WDR70: variants seen among roughly 807,000 people sequenced by gnomAD.
WDR70 encodes the protein WD repeat domain 70.
In WDR70, 53 loss-of-function variants were observed where a neutral mutation model predicts 88.6. The ratio of observed to expected loss-of-function variants is 0.60; its 90% CI spans 0.48 to 0.75. The LOEUF (loss-of-function observed/expected upper bound fraction) is 0.75, where lower values mean the gene tolerates loss of function less well. Ranked by LOEUF, WDR70 falls within the 30% of genes least tolerant of loss-of-function variation. WDR70 has a pLI of 0.00. For synonymous variants in WDR70, 280 were observed against 270.0 expected (o/e 1.04, Z -0.36); for missense variants, 610 against 823.2 (o/e 0.74, Z 3.17).
intron 9 of WDR70, among the ~76,000 whole-genome samples, chr5:37,537,865 A>G (rs915602942): frequency 8.5e-5 from 13 of 152,190 alleles, no homozygotes; most frequent in African/African-American, 2.2e-4. Context: ...GTCGAGAACA[A>G]CTAGCATCTG....
At chr5:37,688,830 G>T (rs975677060) in intron 10 of WDR70, among the ~76,000 whole-genome samples, 3 of 149,562 alleles carry the variant, frequency 2.0e-5, no homozygotes, top group African/African-American at 7.3e-5. Context: ...ATTGGGACTG[G>T]TTGGACAGTG....
intron 5 of WDR70, among the ~76,000 whole-genome samples, chr5:37,402,588 G>T (rs1482907352): frequency 6.6e-6 from 1 of 152,024 alleles, no homozygotes; most frequent in Admixed American, 6.6e-5. Flanking sequence ...TTAAAACAGG[G>T]TAATTGGGAT....
At chr5:37,736,025 G>T (rs1435152160) in intron 17 of WDR70, among the ~76,000 whole-genome samples, 1 of 152,126 alleles carries the variant, frequency 6.6e-6, no homozygotes, top group East Asian at 1.9e-4. Flanking sequence ...AACACAGCAG[G>T]ATCACAGAGG....
intron 10 of WDR70, among the ~76,000 whole-genome samples, chr5:37,691,146 A>T (rs12519943): frequency 0.24 from 36,720 of 152,126 alleles, 5,102 homozygotes; most frequent in Admixed American, 0.38. Flanking sequence ...AATGGTAAAG[A>T]GATCAATTCA....
intron 10 of WDR70, among the ~76,000 whole-genome samples, chr5:37,678,133 G>A (rs1460669441): frequency 7.9e-5 from 12 of 151,956 alleles, no homozygotes; most frequent in Admixed American, 6.6e-4. Flanking sequence ...GTCTCTGCAC[G>A]TGAGATGGGT....
At position 37,622,178 on chromosome 5, in the gene WDR70, G is replaced by A. The variant is rs190507161; in HGVS notation, c.1092+16940G>A. On this transcript the variant is annotated intron_variant, in intron 10 of 17. Coordinates refer to ENST00000265107, the MANE Select transcript of WDR70 (RefSeq NM_018034.4). ...ACTGGCCATCAGAGAAATGCAAATCGAAACCACAATGAGATACCATCTCTC... is the reference window on the plus strand; with the variant it reads ...ACTGGCCATCAGAGAAATGCAAATCAAAACCACAATGAGATACCATCTCTC... Among the ~76,000 whole-genome samples, 82 of 152,066 alleles carry A rather than the reference G, an allele frequency of 5.4e-4. 1 individual carries two copies. In the East Asian group the frequency reaches 0.014, roughly 25 times the overall value.
intron 9 of WDR70, among the ~76,000 whole-genome samples, chr5:37,596,764 C>T (rs1743712006): frequency 6.6e-6 from 1 of 152,138 alleles, no homozygotes. Context: ...GTCTAACATA[C>T]TTAAAGTTTG....
intron 9 of WDR70, among the ~76,000 whole-genome samples, chr5:37,576,733 C>T (rs575001823): frequency 4.3e-4 from 65 of 149,916 alleles, no homozygotes; most frequent in Non-Finnish European, 7.7e-4. Flanking sequence ...TAGGAAGGTC[C>T]TTAGGTGCTG....
intron 10 of WDR70, among the ~76,000 whole-genome samples, chr5:37,681,644 G>A (rs1413354527): frequency 6.6e-6 from 1 of 152,116 alleles, no homozygotes; most frequent in Non-Finnish European, 1.5e-5. Context: ...ATGAAGGGAT[G>A]TTGAATTTTA....
At chr5:37,673,583 A>ACCCCCCTCCCC (rs1746094896) in intron 10 of WDR70, among the ~76,000 whole-genome samples, 2 of 76,228 alleles carry the variant, frequency 2.6e-5, no homozygotes, top group African/African-American at 1.1e-4. Context: ...GACTTTTCTT[A>ACCCCCCTCCCC]CCCCCCCCCC....
chr5:37,447,167 G>T (rs1391388673), intron 7 of WDR70, among the ~76,000 whole-genome samples: 1 of 152,206 alleles, frequency 6.6e-6, no homozygotes, highest in Admixed American at 6.5e-5. Flanking sequence ...CATTTGTGCA[G>T]CCAACAGACA....
chr5:37,478,743 TAG>T lies in WDR70; in HGVS notation c.687-1090_687-1089del, dbSNP rs1350761189. On this transcript the variant is annotated intron_variant, in intron 7 of 17. Transcript: ENST00000265107. The stretch of plus-strand genomic sequence containing the variant: ...TGTGGGCTGTTTTGGGGTGGTATAA[TAG>T]CATAACCTTTGGTGAGGGAGTTGCA... 2.6e-5 allele frequency among the ~76,000 whole-genome samples: 4 copies of T among 152,316 alleles called. No individual in the cohort carries two copies. In the East Asian group the frequency reaches 7.7e-4, roughly 29 times the overall value.
At chr5:37,687,835 G>T in intron 10 of WDR70, 1 of 569,032 alleles carries the variant, frequency 1.8e-6, no homozygotes, top group African/African-American at 1.8e-5. Context: ...CCCACTCAGG[G>T]TAGTGAAAAG....
At chr5:37,721,059 A>T in intron 13 of WDR70, 56 bp from the exon 14 acceptor site, 1 of 1,472,242 alleles carries the variant, frequency 6.8e-7, no homozygotes, top group Non-Finnish European at 9.5e-7. Flanking sequence ...TACCAGCAGG[A>T]TTGTTTCCAT....
At chr5:37,682,615 C>A (rs1746472056) in intron 10 of WDR70, among the ~76,000 whole-genome samples, 1 of 152,054 alleles carries the variant, frequency 6.6e-6, no homozygotes, top group Non-Finnish European at 1.5e-5. Context: ...CCCAGAGATT[C>A]TGGTATGTTG....
chr5:37,553,339 T>C (rs182175916), intron 9 of WDR70, among the ~76,000 whole-genome samples: 85 of 152,330 alleles, frequency 5.6e-4, no homozygotes, highest in Middle Eastern at 3.4e-3. Context: ...ATTCCTTCTC[T>C]GGCCTTCTTA....
At chr5:37,439,775 T>C (rs548938257) in intron 6 of WDR70, among the ~76,000 whole-genome samples, 1 of 152,244 alleles carries the variant, frequency 6.6e-6, no homozygotes, top group Non-Finnish European at 1.5e-5. Context: ...GCCAATCTTA[T>C]TTCTTTCCTA....
At chr5:37,402,964 T>TTTTTTTTTTG (rs1749246505) in intron 5 of WDR70, among the ~76,000 whole-genome samples, 1 of 146,712 alleles carries the variant, frequency 6.8e-6, no homozygotes, top group African/African-American at 2.5e-5. Flanking sequence ...TTTTTTTTTT[T>TTTTTTTTTTG]GAGTCAAAGT....
chr5:37,702,745 TTCTTCAGTTCCCTCA>T (rs766441240), intron 12 of WDR70, among the ~76,000 whole-genome samples, 189 bp from the exon 13 acceptor site: 14 of 152,222 alleles, frequency 9.2e-5, no homozygotes, highest in Non-Finnish European at 2.1e-4. Context: ...TTAAATTATT[TTCTTCAGTTCCCTCA>T]TCAGTAAAAT....
Sources: gnomAD v4.1 joint callset for allele counts (sites outside exome capture counted in the v4.1 genomes callset) on GRCh38, gnomAD v4.1.1 for gene constraint, MANE v1.5 for transcripts, NCBI Gene and HGNC (gene_info 2026-07-23, HGNC 2026-07-21) for gene names.